The following SVOP variants were observed in gnomAD, a reference collection of about 807,000 sequenced individuals.
The protein encoded by SVOP is synaptic vesicle 2-related protein.
In SVOP, 17 loss-of-function variants were observed where a neutral mutation model predicts 69.1. The observed-to-expected ratio is 0.25, with a 90% CI of 0.17 to 0.37. The LOEUF is 0.37. SVOP is among the 10% of genes least tolerant of loss of function. The probability of loss-of-function intolerance (pLI) is 1.00; values close to 1 mark genes in which losing one functional copy is unlikely to be tolerated. For synonymous variants in SVOP, 238 were observed against 238.6 expected, an observed-to-expected ratio of 1.00 and a Z score of 0.02; for missense variants, 435 against 597.5, an observed-to-expected ratio of 0.73 and a Z score of 2.84.
intron 1 of SVOP, among the ~76,000 whole-genome samples, chr12:109,013,951 G>A (rs1307911204): frequency 1.3e-5 from 2 of 151,232 alleles, no homozygotes; most frequent in Non-Finnish European, 2.9e-5. Context: ...TTGTCTTTTT[G>A]TGACTGCTTT....
intron 1 of SVOP, among the ~76,000 whole-genome samples, chr12:109,009,566 C>T (rs2040329638): frequency 1.3e-5 from 2 of 151,986 alleles, no homozygotes; most frequent in African/African-American, 4.8e-5. Flanking sequence ...GCACCCGCCA[C>T]CACGCCCAGC....
intron 1 of SVOP, among the ~76,000 whole-genome samples, chr12:109,004,962 T>C (rs185727190): frequency 6.6e-6 from 1 of 152,224 alleles, no homozygotes; most frequent in Non-Finnish European, 1.5e-5. Flanking sequence ...GGTCTCGAAC[T>C]CCTGACTTCA....
In SVOP at chr12:108,954,241, T is replaced by C. The variant is rs1384099205; in HGVS notation, c.578+6682A>G. Reference sequence around the variant, plus strand: ...TGTGACCTTGGGCATGCTACTTAGTTTCTACAAAGCTCCAGCTTTTGTACC... The same window carrying C: ...TGTGACCTTGGGCATGCTACTTAGTCTCTACAAAGCTCCAGCTTTTGTACC... On this transcript the variant is annotated intron_variant, in intron 6 of 15. Coordinates refer to ENST00000610966, the MANE Select transcript of SVOP (RefSeq NM_018711.5). Among the ~76,000 whole-genome samples, 7 of 152,262 alleles carry C rather than the reference T, an allele frequency of 4.6e-5. No individual in the cohort carries two copies. In the East Asian group the frequency reaches 1.4e-3, roughly 29 times the overall value.
intron 5 of SVOP, among the ~76,000 whole-genome samples, chr12:108,971,987 G>A (rs1294997207): frequency 6.6e-6 from 1 of 151,990 alleles, no homozygotes; most frequent in Non-Finnish European, 1.5e-5. Flanking sequence ...CTGGGAGGTT[G>A]AGGCTACTGT....
At chr12:108,935,721 G>A (rs1208135575) in intron 10 of SVOP, among the ~76,000 whole-genome samples, 1 of 152,144 alleles carries the variant, frequency 6.6e-6, no homozygotes, top group Non-Finnish European at 1.5e-5. Context: ...GGCCAATTTT[G>A]TTCACTATTA....
rs140418834 is a variant in SVOP at position 109,012,774 on chromosome 12, A to G, written c.35+8060T>C. Among the ~76,000 whole-genome samples the G allele has an allele frequency of 1.8e-3, 271 of 152,238 alleles. 2 individuals carry two copies. Among genetic ancestry groups the G allele is most frequent in the African/African-American group, 6.1e-3 (252 of 41,546 alleles). Reference sequence around the variant, plus strand: ...GAAACCCCGTCTCTACCAAAAATATAAAAAATGAGCCAGGCGTGGTGTCAT... The same window carrying G: ...GAAACCCCGTCTCTACCAAAAATATGAAAAATGAGCCAGGCGTGGTGTCAT... On this transcript the variant is annotated intron_variant, in intron 1 of 15. Transcript: ENST00000610966.
In SVOP at chr12:108,969,524, A is replaced by G. The variant is rs1365103104; in HGVS notation, c.453+2881T>C. On this transcript the variant is annotated intron_variant, in intron 5 of 15. Transcript: ENST00000610966. ...GTATTTTCAGTAGAGATGGGGTTTC[A>G]CCATGTTGGTCAGGCTGGTCTCGAA... 2.0e-5 allele frequency among the ~76,000 whole-genome samples: 3 copies of G among 150,924 alleles called. No homozygotes were observed. The East Asian group carries it at 5.9e-4, about 30-fold the overall frequency.
intron 6 of SVOP, among the ~76,000 whole-genome samples, chr12:108,954,113 C>CAAAAAAA (rs760331681): frequency 1.6e-5 from 1 of 61,988 alleles, no homozygotes; most frequent in African/African-American, 5.5e-5. Flanking sequence ...GAATCTGTCT[C>CAAAAAAA]AAAAAAAAAA....
intron 4 of SVOP, among the ~76,000 whole-genome samples, chr12:108,976,663 C>T (rs1462466536): frequency 1.1e-4 from 17 of 151,018 alleles, no homozygotes; most frequent in South Asian, 6.3e-4. Context: ...TCACCCAGGC[C>T]GGAGTGCAAT....
chr12:108,992,714 T>G (rs1200820573), intron 1 of SVOP, among the ~76,000 whole-genome samples: 1 of 152,000 alleles, frequency 6.6e-6, no homozygotes, highest in African/African-American at 2.4e-5. Flanking sequence ...GAAAGCAGAT[T>G]AGTGGCTACC....
At chr12:108,962,765 G>A (rs548939121) in intron 5 of SVOP, among the ~76,000 whole-genome samples, 2 of 152,214 alleles carry the variant, frequency 1.3e-5, no homozygotes, top group South Asian at 4.1e-4. Context: ...AGGAGCTCAA[G>A]ACTAGCCTGG....
At chr12:108,984,093 C>T (rs1383686813) in intron 1 of SVOP, among the ~76,000 whole-genome samples, 1 of 152,180 alleles carries the variant, frequency 6.6e-6, no homozygotes, top group Non-Finnish European at 1.5e-5. Context: ...ATTTTAGACT[C>T]ATCTGTCTAT....
At position 108,919,762 on chromosome 12, in the gene SVOP, A is replaced by C. The variant is rs1470386378; in HGVS notation, c.1181T>G (p.Ile394Ser). The C allele has an allele frequency of 1.2e-6, 2 of 1,601,308 alleles. No individual in the cohort carries two copies. The highest frequency in any genetic ancestry group is 8.5e-7 in the Non-Finnish European group (1 of 1,173,976). ...FPGVLVTLWIIDRLGRKKTMA... is the reference protein window; with the variant it reads ...FPGVLVTLWISDRLGRKKTMA... The stretch of plus-strand genomic sequence containing the variant: ...GGTCTTCTTGCGCCCCAGGCGGTCA[A>C]TAATCCACAGAGTCACAAGGACACC... The change falls in exon 13 of 16, where the codon ATT becomes AGT. Residue 394 changes from isoleucine to serine, a missense_variant. By Grantham distance (142) the Ile-to-Ser change is moderately radical. Coordinates refer to ENST00000610966, the MANE Select transcript of SVOP (RefSeq NM_018711.5).
intron 4 of SVOP, among the ~76,000 whole-genome samples, chr12:108,973,028 G>A (rs2040087796): frequency 6.6e-6 from 1 of 152,150 alleles, no homozygotes; most frequent in African/African-American, 2.4e-5. Context: ...GGGAGCTGAG[G>A]CTCAGATAGA....
At chr12:108,935,118 TG>T (rs2039848655) in intron 10 of SVOP, among the ~76,000 whole-genome samples, 1 of 152,242 alleles carries the variant, frequency 6.6e-6, no homozygotes, top group South Asian at 2.1e-4. Flanking sequence ...AGGGGAAAAA[TG>T]GGACCAACCT....
At chr12:108,944,819 A>G (rs1363217584) in intron 7 of SVOP, among the ~76,000 whole-genome samples, 1 of 152,194 alleles carries the variant, frequency 6.6e-6, no homozygotes, top group Non-Finnish European at 1.5e-5. Flanking sequence ...GCTCTCAGAT[A>G]CAAGCTATTT....
In SVOP at chr12:108,988,770, CTTTTTTTTTTT is replaced by C. The variant is rs758822738; in HGVS notation, c.36-5020_36-5010del. Among the ~76,000 whole-genome samples the C allele has an allele frequency of 2.2e-5, 2 of 92,182 alleles. 1 individual carries two copies. The highest frequency in any genetic ancestry group is 3.0e-4 in the Admixed American group (2 of 6,694). The allele number at this position is 92,182 out of a possible 152,430, so 60.5% of individuals were successfully genotyped here. Reference sequence around the variant, plus strand: ...TCTTCCTTTCTTACTTCTTTTCTCTCTTTTTTTTTTTTTTTTTTTTGAGACCCAGTCTCGCT... The same window carrying C: ...TCTTCCTTTCTTACTTCTTTTCTCTCTTTTTTTTTGAGACCCAGTCTCGCT... On this transcript the variant is annotated intron_variant, in intron 1 of 15. Transcript: ENST00000610966.
chr12:109,016,142 G>A (rs146449409), intron 1 of SVOP, among the ~76,000 whole-genome samples: 7 of 152,162 alleles, frequency 4.6e-5, no homozygotes, highest in African/African-American at 1.4e-4. Flanking sequence ...GCTTCCCAGC[G>A]ATTATCTCTC....
At position 108,990,391 on chromosome 12, in the gene SVOP, C is replaced by T. The variant is rs916312393; in HGVS notation, c.36-6630G>A. The stretch of plus-strand genomic sequence containing the variant: ...GTCTATCATTGATGGACATTATTCT[C>T]AGCAAACTATCGCAAGGACAAAAAA... On this transcript the variant is annotated intron_variant, in intron 1 of 15. Transcript: ENST00000610966. Among the ~76,000 whole-genome samples, 60 of 151,892 alleles carry T rather than the reference C, an allele frequency of 4.0e-4. 1 individual carries two copies. The highest frequency in any genetic ancestry group is 3.0e-3 in the Admixed American group (45 of 15,222).
Sources: allele counts gnomAD v4.1 joint callset (sites outside exome capture counted in the v4.1 genomes callset), GRCh38; gene constraint gnomAD v4.1.1; transcripts MANE v1.5; gene names NCBI Gene and HGNC (gene_info 2026-07-23, HGNC 2026-07-21).